Variants in ALOX12 observed in about 807,000 individuals in gnomAD.
ALOX12 encodes the protein arachidonate 12-lipoxygenase, 12S type.
ALOX12 carries 62 observed loss-of-function variants against 85.5 expected under a neutral mutation model. That is an observed-to-expected ratio of 0.73 (90% CI 0.59 to 0.90). ALOX12 has a LOEUF of 0.90. Among genes scored for constraint, ALOX12 ranks in the 40% least tolerant of loss-of-function variants. ALOX12 has a pLI of 0.00. For synonymous variants in ALOX12, 299 were observed against 332.7 expected (o/e 0.90, Z 1.10); for missense variants, 751 against 856.5 (o/e 0.88, Z 1.54).
At position 6,996,987 on chromosome 17, in the gene ALOX12, G is replaced by A. The variant is rs1413115867; in HGVS notation, c.297G>A (p.Trp99Ter). The change falls in exon 2 of 14, where the codon TGG (tryptophan) becomes TGA (stop). Residue 99 changes from tryptophan (W) to a stop codon, truncating the protein, a stop_gained. Transcript: ENST00000251535. LOFTEE classifies it high-confidence loss of function. Reference sequence around the variant, plus strand: ...AGGTGGCCTTCCCGTGCTACCGCTGGGTGCAGGGCGAGGACATCCTGAGCC... The same window carrying A: ...AGGTGGCCTTCCCGTGCTACCGCTGAGTGCAGGGCGAGGACATCCTGAGCC... ...CAEVAFPCYR[W>*]VQGEDILSLP... 1.3e-6 allele frequency: 2 copies of A among 1,566,262 alleles called. No homozygotes were observed. Among genetic ancestry groups the A allele is most frequent in the Non-Finnish European group, 1.7e-6 (2 of 1,155,292 alleles).
rs1335144161 is a variant in ALOX12, at chr17:6,998,814, C to G, written c.519C>G (p.Asp173Glu). 13 of 1,614,182 alleles carry G rather than the reference C, an allele frequency of 8.1e-6. No individual in the cohort carries two copies. Among genetic ancestry groups the G allele is most frequent in the Non-Finnish European group, 1.1e-5 (13 of 1,180,024 alleles). ...GATTCCATGAGGAGAAGAGGCTGGA[C>G]TTTGAATGGACACTGAAGGCAGGGT... ...NMRFHEEKRL[D>E]FEWTLKAGAL... The change falls in exon 4 of 14, where the codon GAC becomes GAG. Residue 173 changes from aspartate (D) to glutamate (E), a missense_variant. Asp to Glu is a conservative substitution (Grantham distance 45, BLOSUM62 2). Coordinates refer to ENST00000251535, the MANE Select transcript of ALOX12 (RefSeq NM_000697.3).
Position 7,005,934 on chromosome 17 carries a change from G to A in ALOX12, c.1325G>A (p.Cys442Tyr). 6.2e-7 allele frequency: 1 copy of A among 1,613,670 alleles called. No individual in the cohort carries two copies. Among genetic ancestry groups the A allele is most frequent in the Non-Finnish European group, 8.5e-7 (1 of 1,179,894 alleles). Residue 442 changes from cysteine to tyrosine, a missense_variant, in exon 10 of 14, where the codon TGT becomes TAT. Cys to Tyr is a radical substitution (Grantham distance 194). Transcript: ENST00000251535. ...GCTCAGCTGACCTACTGCTCCCTCT[G>A]TCCTCCTGACGACCTGGCTGACCGG... ...AAAQLTYCSL[C>Y]PPDDLADRGL... is the part of the protein sequence containing the mutation.
At position 7,001,783 on chromosome 17, in the gene ALOX12, G is replaced by T; in HGVS notation, c.1133G>T (p.Cys378Phe). The change falls in exon 8 of 14, where the codon TGC (cysteine) becomes TTC (phenylalanine). Residue 378 changes from cysteine to phenylalanine, a missense_variant. Transcript: ENST00000251535. ...AEVIAVATMR[C>F]LPGLHPIFKF... ...GTCATCGCTGTCGCCACCATGCGGT[G>T]CCTCCCAGGACTGCACCCCATCTTC... 5.0e-6 allele frequency: 8 copies of T among 1,614,080 alleles called. No individual in the cohort carries two copies. The highest frequency in any genetic ancestry group is 6.8e-6 in the Non-Finnish European group (8 of 1,180,008).
Position 6,999,486 on chromosome 17 carries a change from C to CT in ALOX12, c.807+21dup. The CT allele has an allele frequency of 6.2e-7, 1 of 1,612,788 alleles. No individual in the cohort carries two copies. The highest frequency in any genetic ancestry group is 8.5e-7 in the Non-Finnish European group (1 of 1,178,922). ...CTTCAGGTACCTCTCCTTCCCCTGC[C>CT]TGGCACTGTTCTCTCCTTAGTAGTG... On this transcript the variant is annotated intron_variant, in intron 6 of 13. Coordinates refer to ENST00000251535, the MANE Select transcript of ALOX12 (RefSeq NM_000697.3).
intron 8 of ALOX12, among the ~76,000 whole-genome samples, chr17:7,004,900 A>G (rs11571340): frequency 0.11 from 16,126 of 152,224 alleles, 1,152 homozygotes; most frequent in Admixed American, 0.26. Flanking sequence ...CAGGACTCTT[A>G]TGTGTAATAG....
chr17:6,997,840 T>C (rs1010983861), intron 2 of ALOX12, among the ~76,000 whole-genome samples: 1 of 151,908 alleles, frequency 6.6e-6, no homozygotes, highest in African/African-American at 2.4e-5. Flanking sequence ...GATTACAGGC[T>C]TGAGCCACCA....
chr17:7,009,099 G>A (rs994647495), intron 11 of ALOX12, among the ~76,000 whole-genome samples: 10 of 137,138 alleles, frequency 7.3e-5, no homozygotes, highest in African/African-American at 1.7e-4. Flanking sequence ...TCGTTGTGTC[G>A]CCCAGGCTGG....
chr17:7,010,169 G>A (rs1909315218), intron 13 of ALOX12, 43 bp downstream of exon 13: 2 of 1,599,050 alleles, frequency 1.3e-6, no homozygotes, highest in South Asian at 1.1e-5. Flanking sequence ...AGTTGGAAAG[G>A]AAACATCAGA....
chr17:6,996,433 G>C (rs778051929), intron 1 of ALOX12, among the ~76,000 whole-genome samples, 181 bp downstream of exon 1: 1 of 152,106 alleles, frequency 6.6e-6, no homozygotes, highest in Non-Finnish European at 1.5e-5. Context: ...TCCGCAGCTG[G>C]GATCCCGGGC....
chr17:6,998,479 G>T, intron 2 of ALOX12, 30 bp from the exon 3 acceptor site: 1 of 1,511,426 alleles, frequency 6.6e-7, no homozygotes, highest in Non-Finnish European at 9.2e-7. Context: ...AGACAGAGCC[G>T]TGAGGCCAAT....
intron 9 of ALOX12, among the ~76,000 whole-genome samples, 157 bp from the exon 10 acceptor site, chr17:7,005,701 G>A (rs1909008386): frequency 2.0e-5 from 3 of 151,728 alleles, no homozygotes; most frequent in South Asian, 4.2e-4. Context: ...GACTGGTCTC[G>A]AACTCCTGAC....
intron 2 of ALOX12, 117 bp downstream of exon 2, chr17:6,997,144 T>A (rs1597849143): frequency 1.4e-6 from 2 of 1,424,158 alleles, no homozygotes; most frequent in Admixed American, 2.8e-5. Context: ...CCAGGGCAGG[T>A]GAAATGTAGG....
At position 6,999,547 on chromosome 17, in the gene ALOX12, A is replaced by T. The variant is rs557468213; in HGVS notation, c.807+81A>T. 4 of 1,495,598 alleles carry T rather than the reference A, an allele frequency of 2.7e-6. No homozygotes were observed. The South Asian group carries it at 4.8e-5, about 18-fold the overall frequency. 92.6% of individuals were successfully genotyped at this position (1,495,598 alleles called of 1,614,324 possible). Reference sequence around the variant, plus strand: ...GGACAGAGAGAATCCAAACTGAGTCAGAGGAAGGCTGCAGTACTGCATTGC... The same window carrying T: ...GGACAGAGAGAATCCAAACTGAGTCTGAGGAAGGCTGCAGTACTGCATTGC... On this transcript the variant is annotated intron_variant, in intron 6 of 13. Transcript: ENST00000251535.
Position 7,000,561 on chromosome 17 carries a change from G to A in ALOX12, c.951+82G>A. The stretch of plus-strand genomic sequence containing the variant: ...CCCAGGGACCCAACCCCCAGCTCTT[G>A]GCTCCCAAACCCCATCCTCACTCAG... On this transcript the variant is annotated intron_variant, in intron 7 of 13. Transcript: ENST00000251535. The surrounding 1 kb of genome is among the most constrained non-coding windows in gnomAD (Gnocchi z 4.6). The A allele has an allele frequency of 2.0e-6, 3 of 1,534,210 alleles. No homozygotes were observed. Among genetic ancestry groups the A allele is most frequent in the Non-Finnish European group, 2.7e-6 (3 of 1,127,004 alleles).
chr17:6,996,901 C>A lies in ALOX12; in HGVS notation c.211C>A (p.Leu71Met). The A allele has an allele frequency of 6.2e-7, 1 of 1,613,876 alleles. No individual in the cohort carries two copies. The highest frequency in any genetic ancestry group is 1.1e-5 in the South Asian group (1 of 91,038). Reference protein sequence around the residue: ...QFVRLRKHHWLVDDAWFCDRI... With the variant: ...QFVRLRKHHWMVDDAWFCDRI... ...CGTGAGGCTGCGCAAGCACCACTGG[C>A]TGGTGGACGACGCGTGGTTCTGCGA... Residue 71 changes from leucine (L) to methionine (M), a missense_variant, in exon 2 of 14, where the codon CTG becomes ATG. Transcript: ENST00000251535.
intron 8 of ALOX12, among the ~76,000 whole-genome samples, chr17:7,004,398 TA>T (rs1908926311): frequency 7.0e-6 from 1 of 142,088 alleles, no homozygotes; most frequent in African/African-American, 2.5e-5. Flanking sequence ...TAATATTAAT[TA>T]ATTTAATTTT....
intron 8 of ALOX12, chr17:7,002,510 G>C: frequency 2.1e-6 from 1 of 469,110 alleles, no homozygotes; most frequent in South Asian, 1.6e-5. Flanking sequence ...TTTAAGAGCT[G>C]GGTGTGGTGG....
intron 8 of ALOX12, among the ~76,000 whole-genome samples, chr17:7,004,901 T>G (rs547041913): frequency 2.0e-5 from 3 of 152,206 alleles, no homozygotes; most frequent in African/African-American, 7.2e-5. Context: ...AGGACTCTTA[T>G]GTGTAATAGA....
chr17:7,007,665 C>T (rs770964977), intron 11 of ALOX12, among the ~76,000 whole-genome samples: 5 of 152,022 alleles, frequency 3.3e-5, no homozygotes, highest in Admixed American at 6.6e-5. Context: ...GGGTGGATCA[C>T]GAGGTCAGGA....
Sources: gnomAD v4.1 joint callset for allele counts (sites outside exome capture counted in the v4.1 genomes callset) on GRCh38, gnomAD v4.1.1 for gene constraint, Gnocchi (gnomAD v3.1) non-coding constraint, MANE v1.5 for transcripts, NCBI Gene and HGNC (gene_info 2026-07-23, HGNC 2026-07-21) for gene names.